GNPTAB: variants seen among roughly 807,000 people sequenced by gnomAD.
GNPTAB encodes the protein N-acetylglucosamine-1-phosphotransferase subunits alpha/beta.
Under a neutral mutation model 136.6 loss-of-function variants are expected in GNPTAB, and 92 were observed. The observed-to-expected ratio is 0.67, with a 90% CI of 0.57 to 0.80. The LOEUF is 0.80. Among genes scored for constraint, GNPTAB ranks in the 30% least tolerant of loss-of-function variants. The pLI, the probability that GNPTAB is intolerant of heterozygous loss-of-function variation, is 0.00. For missense variants in GNPTAB, 1,343 were observed against 1,501.8 expected (o/e 0.89, Z 1.75); for synonymous variants, 512 against 535.1 (o/e 0.96, Z 0.60).
intron 2 of GNPTAB, among the ~76,000 whole-genome samples, chr12:101,791,974 A>G (rs1421881516): frequency 2.0e-5 from 3 of 152,218 alleles, no homozygotes; most frequent in Non-Finnish European, 2.9e-5. Context: ...GCCTTCACGG[A>G]GCTTACATTC....
rs1031147928 is a variant in GNPTAB at position 101,819,510 on chromosome 12, A to G, written c.117+11049T>C. On this transcript the variant is annotated intron_variant, in intron 1 of 20. Transcript: ENST00000299314. ...TGAAGTGAGAAAATGAAGGGGGGGA[A>G]AAAGGTTTATCAAAGGAAAAAGAAA... 4.6e-5 allele frequency among the ~76,000 whole-genome samples: 7 copies of G among 151,836 alleles called. No individual in the cohort carries two copies. The East Asian group carries it at 7.7e-4, about 17-fold the overall frequency.
chr12:101,801,564 A>AAC (rs1869635901), intron 1 of GNPTAB, among the ~76,000 whole-genome samples: 1 of 149,140 alleles, frequency 6.7e-6, no homozygotes, highest in African/African-American at 2.5e-5. Flanking sequence ...AAAAAAAAAA[A>AAC]AAACTGGAAA....
chr12:101,753,488 C>A lies in GNPTAB; in HGVS notation c.3486G>T (p.Gln1162His). Residue 1162 changes from glutamine to histidine, a missense_variant, in exon 19 of 21, where the codon CAG (glutamine) becomes CAT (histidine). Transcript: ENST00000299314. ...AGTCCCTGAGAACAGCCTTCACTGT[C>A]TGAGCATCTTTATGATTGTGGTCAA... ...DNIDHNHKDA[Q>H]TVKAVLRDFY... 1.2e-6 allele frequency: 2 copies of A among 1,613,896 alleles called. No individual in the cohort carries two copies. Among genetic ancestry groups the A allele is most frequent in the Non-Finnish European group, 8.5e-7 (1 of 1,179,804 alleles).
intron 1 of GNPTAB, among the ~76,000 whole-genome samples, chr12:101,801,182 T>C (rs757278752): frequency 1.1e-4 from 14 of 131,280 alleles, no homozygotes; most frequent in Non-Finnish European, 1.8e-4. Context: ...CAGTGAGCCA[T>C]GATTGCATCA....
At chr12:101,819,559 G>A (rs776215443) in intron 1 of GNPTAB, among the ~76,000 whole-genome samples, 7 of 152,216 alleles carry the variant, frequency 4.6e-5, no homozygotes, top group Non-Finnish European at 1.0e-4. Flanking sequence ...AAAAAATGAA[G>A]CAATTTTGAG....
At chr12:101,822,585 G>A (rs887283362) in intron 1 of GNPTAB, among the ~76,000 whole-genome samples, 6 of 152,306 alleles carry the variant, frequency 3.9e-5, no homozygotes, top group African/African-American at 1.2e-4. Context: ...GAATCATCAA[G>A]TGATGAAAAG....
At chr12:101,768,283 T>C in intron 10 of GNPTAB, 123 bp from the exon 11 acceptor site, 2 of 1,076,264 alleles carry the variant, frequency 1.9e-6, no homozygotes, top group Non-Finnish European at 2.7e-6. Flanking sequence ...TTCAAAGGGC[T>C]CAGCGTTCAC....
chr12:101,817,698 T>C lies in GNPTAB; in HGVS notation c.117+12861A>G, dbSNP rs79830372. On this transcript the variant is annotated intron_variant, in intron 1 of 20. Coordinates refer to ENST00000299314, the MANE Select transcript of GNPTAB (RefSeq NM_024312.5). ...TTAAATAGCTAGCCAAGGTGACACA[T>C]GCCTACAATCCCAGCTATGGGGAGG... Among the ~76,000 whole-genome samples the C allele has an allele frequency of 0.022, 3,423 of 152,254 alleles. 351 individuals carry two copies. The East Asian group carries it at 0.31, about 14-fold the overall frequency.
chr12:101,755,138 C>A (rs572370019), intron 18 of GNPTAB, among the ~76,000 whole-genome samples: 45 of 151,746 alleles, frequency 3.0e-4, no homozygotes, highest in Middle Eastern at 6.8e-3. Context: ...GAGATACATA[C>A]AAAAAACGTG....
rs759812300 is a variant in GNPTAB at position 101,786,117 on chromosome 12, A to G, written c.466T>C (p.Ser156Pro). Residue 156 changes from serine (S) to proline (P), a missense_variant, in exon 5 of 21, where the codon TCT becomes CCT. Coordinates refer to ENST00000299314, the MANE Select transcript of GNPTAB (RefSeq NM_024312.5). ...PANITLKDLP[S>P]LYPSFHSASD... ...GCAGAATGAAAAGAAGGATAAAGAG[A>G]TGGCAGGTCCTTCAGGGTGATGTTG... The G allele has an allele frequency of 6.2e-7, 1 of 1,614,104 alleles. No individual in the cohort carries two copies. The highest frequency in any genetic ancestry group is 8.5e-7 in the Non-Finnish European group (1 of 1,179,954).
rs1952985251 is a variant in GNPTAB at position 101,761,141 on chromosome 12, G to A, written c.3121C>T (p.Pro1041Ser). Residue 1041 changes from proline (P) to serine (S), a missense_variant, in exon 15 of 21, where the codon CCG becomes TCG. Physicochemically the swap from Pro to Ser is moderately conservative, Grantham distance 74. Transcript: ENST00000299314. ...CAATACAACACCTGCAAACTTAACG[G>A]CAGTTCGTGAATTCTGGTAGCCAGT... ...RTLATRIHEL[P>S]LSLQDLTGLE... The A allele has an allele frequency of 1.2e-6, 2 of 1,611,498 alleles. No homozygotes were observed. The highest frequency in any genetic ancestry group is 1.3e-5 in the African/African-American group (1 of 74,840).
intron 1 of GNPTAB, among the ~76,000 whole-genome samples, chr12:101,806,229 G>A (rs1869924365): frequency 1.3e-5 from 2 of 152,268 alleles, no homozygotes; most frequent in Admixed American, 6.5e-5. Context: ...CAGCAAAATG[G>A]TGGAACAGGC....
intron 7 of GNPTAB, chr12:101,773,320 C>T (rs993894846): frequency 7.5e-6 from 2 of 265,594 alleles, no homozygotes; most frequent in Admixed American, 4.3e-5. Flanking sequence ...TGCTCTCCAC[C>T]TGCTCCCTCA....
chr12:101,749,958 A>T (rs1343268107), intron 19 of GNPTAB, among the ~76,000 whole-genome samples: 2 of 152,216 alleles, frequency 1.3e-5, no homozygotes, highest in Non-Finnish European at 2.9e-5. Flanking sequence ...GGTATGTGTG[A>T]CATAATCAGG....
chr12:101,801,894 A>T lies in GNPTAB; in HGVS notation c.118-5132T>A, dbSNP rs113506060. 5.7e-3 allele frequency among the ~76,000 whole-genome samples: 869 copies of T among 151,798 alleles called. 10 individuals carry two copies. Among genetic ancestry groups the T allele is most frequent in the African/African-American group, 0.02 (817 of 41,354 alleles). On this transcript the variant is annotated intron_variant, in intron 1 of 20. Transcript: ENST00000299314. ...CTTGTCTCTTCAAAAAAAAGAAAAAATTTTTTTTAATTAGCCAGGCATGGT... is the reference window on the plus strand; with the variant it reads ...CTTGTCTCTTCAAAAAAAAGAAAAATTTTTTTTTAATTAGCCAGGCATGGT...
At position 101,786,119 on chromosome 12, in the gene GNPTAB, G is replaced by A; in HGVS notation, c.464C>T (p.Pro155Leu). 1.2e-6 allele frequency: 2 copies of A among 1,613,994 alleles called. No individual in the cohort carries two copies. The highest frequency in any genetic ancestry group is 2.2e-5 in the South Asian group (2 of 91,078). The change falls in exon 5 of 21, where the codon CCA (proline) becomes CTA (leucine). Residue 155 changes from proline to leucine, a missense_variant. Pro to Leu is a moderately conservative substitution (Grantham distance 98, BLOSUM62 -3). Coordinates refer to ENST00000299314, the MANE Select transcript of GNPTAB (RefSeq NM_024312.5). ...AGAATGAAAAGAAGGATAAAGAGAT[G>A]GCAGGTCCTTCAGGGTGATGTTGGC... ...LPANITLKDL[P>L]SLYPSFHSAS...
chr12:101,761,878 C>T (rs1953003250), intron 13 of GNPTAB, 115 bp from the exon 14 acceptor site: 1 of 794,098 alleles, frequency 1.3e-6, no homozygotes, highest in African/African-American at 1.7e-5. Flanking sequence ...TCATTAGGAG[C>T]AAATGAAATA....
intron 2 of GNPTAB, chr12:101,796,073 C>T: frequency 3.4e-6 from 2 of 588,856 alleles, no homozygotes; most frequent in Non-Finnish European, 6.0e-6. Flanking sequence ...AGGCTATTTG[C>T]TCCTCCCTCA....
intron 11 of GNPTAB, among the ~76,000 whole-genome samples, chr12:101,767,116 T>C (rs1953106078): frequency 6.6e-6 from 1 of 152,242 alleles, no homozygotes; most frequent in South Asian, 2.1e-4. Context: ...TGAAGCTTTG[T>C]TTTCTCCAAT....
Sources: allele counts gnomAD v4.1 joint callset (sites outside exome capture counted in the v4.1 genomes callset), GRCh38; gene constraint gnomAD v4.1.1; transcripts MANE v1.5; gene names NCBI Gene and HGNC (gene_info 2026-07-23, HGNC 2026-07-21).